TENM3: variants seen among roughly 807,000 people sequenced by gnomAD.
The protein encoded by TENM3 is teneurin transmembrane protein 3, also known as teneurin-3.
A neutral mutation model predicts 255.1 loss-of-function variants in TENM3; 63 were observed. That is an observed-to-expected ratio of 0.25 (90% CI 0.20 to 0.30). The LOEUF (loss-of-function observed/expected upper bound fraction) is 0.30. Among genes scored for constraint, TENM3 ranks in the 10% least tolerant of loss-of-function variants. TENM3 has a pLI of 1.00. For synonymous variants in TENM3, 1,306 were observed against 1,322.3 expected, an observed-to-expected ratio of 0.99 and a Z score of 0.27; for missense variants, 2,929 against 3,461.1, an observed-to-expected ratio of 0.85 and a Z score of 3.86.
chr4:182,025,020 A>ATTTTTTTTTTTTTTTTTT, the TENM3 span, among the ~76,000 whole-genome samples: 16 of 121,106 alleles, frequency 1.3e-4, 1 homozygote, highest in African/African-American at 5.0e-4. Flanking sequence ...ACAGGATTTC[A>ATTTTTTTTTTTTTTTTTT]TTTTTTTTTT....
chr4:181,996,672 G>C, the TENM3 span, among the ~76,000 whole-genome samples: 7 of 152,190 alleles, frequency 4.6e-5, no homozygotes, highest in Non-Finnish European at 8.8e-5. Context: ...TGATAAAAGA[G>C]TTAAGCTGAG....
Position 182,793,842 on chromosome 4 carries a change from C to T in TENM3, c.7170C>T (p.Asn2390=). 1 of 1,612,398 alleles carries T rather than the reference C, an allele frequency of 6.2e-7. No homozygotes were observed. The highest frequency in any genetic ancestry group is 8.5e-7 in the Non-Finnish European group (1 of 1,179,050). ...APFNLYMFRN[N]NPASKIHDVK... is the part of the protein sequence containing the mutation. Reference sequence around the variant, plus strand: ...TTAACTTGTACATGTTTAGGAATAACAACCCTGCAAGCAAAATCCATGACG... The same window carrying T: ...TTAACTTGTACATGTTTAGGAATAATAACCCTGCAAGCAAAATCCATGACG... Residue 2390 remains asparagine (N), a synonymous_variant, in exon 26 of 28, where the codon AAC becomes AAT. Transcript: ENST00000511685. This position sits in a 1 kb window ranked among gnomAD's most constrained non-coding sequence, Gnocchi z 5.7.
the TENM3 span, among the ~76,000 whole-genome samples, chr4:181,845,935 T>G: frequency 2.0e-5 from 3 of 152,206 alleles, no homozygotes; most frequent in Non-Finnish European, 4.4e-5. Context: ...ATCTTGCACC[T>G]TTCTTCATTT....
At chr4:182,005,946 T>G in the TENM3 span, among the ~76,000 whole-genome samples, 1 of 152,304 alleles carries the variant, frequency 6.6e-6, no homozygotes, top group East Asian at 1.9e-4. Flanking sequence ...CTGAAGTTGC[T>G]TATCAGTTCA....
At chr4:182,766,040 C>G (rs73869824) in intron 22 of TENM3, among the ~76,000 whole-genome samples, 1 of 152,112 alleles carries the variant, frequency 6.6e-6, no homozygotes, top group African/African-American at 2.4e-5. Flanking sequence ...AAATGTGCCA[C>G]CTACTTTTTA....
At chr4:182,364,637 T>C (rs572302917) in intron 3 of TENM3, among the ~76,000 whole-genome samples, 1 of 152,144 alleles carries the variant, frequency 6.6e-6, no homozygotes, top group Non-Finnish European at 1.5e-5. Context: ...GCCAGGATGG[T>C]CTCAACCTCC....
intron 1 of TENM3, among the ~76,000 whole-genome samples, chr4:182,266,572 A>T (rs1017092680): frequency 6.6e-6 from 1 of 152,180 alleles, no homozygotes; most frequent in African/African-American, 2.4e-5. Flanking sequence ...ATGGTTAAAC[A>T]TTACAAATGG....
chr4:182,559,480 CT>C (rs759903011), intron 3 of TENM3, among the ~76,000 whole-genome samples: 1 of 152,074 alleles, frequency 6.6e-6, no homozygotes, highest in African/African-American at 2.4e-5. Context: ...AGAATTCAAA[CT>C]TTTGTTCTCC....
At chr4:182,772,805 C>G (rs960783267) in intron 22 of TENM3, among the ~76,000 whole-genome samples, 1 of 151,924 alleles carries the variant, frequency 6.6e-6, no homozygotes, top group Non-Finnish European at 1.5e-5. Flanking sequence ...AATATTGCAT[C>G]TCATTTCAGT....
the TENM3 span, among the ~76,000 whole-genome samples, chr4:182,117,320 T>C: frequency 6.6e-6 from 1 of 152,238 alleles, no homozygotes; most frequent in Admixed American, 6.5e-5. Context: ...TTCTTGATCA[T>C]ATTTATTGAC....
In TENM3 at chr4:182,751,721, C is replaced by G. The variant is rs181968581; in HGVS notation, c.3630-79C>G. 2.7e-4 allele frequency: 264 copies of G among 960,418 alleles called. 1 individual carries two copies. In the African/African-American group the frequency reaches 3.5e-3, roughly 13 times the overall value. 59.5% of individuals were successfully genotyped at this position (960,418 alleles called of 1,614,324 possible). Reference sequence around the variant, plus strand: ...CAGACTATAATCAGTTTCTCATGATCTGTTTTATTTTGCTTTTAATTTCCC... The same window carrying G: ...CAGACTATAATCAGTTTCTCATGATGTGTTTTATTTTGCTTTTAATTTCCC... On this transcript the variant is annotated intron_variant, in intron 19 of 27. Coordinates refer to ENST00000511685, the MANE Select transcript of TENM3 (RefSeq NM_001080477.4).
the TENM3 span, among the ~76,000 whole-genome samples, chr4:181,864,289 A>G: frequency 6.6e-6 from 1 of 152,150 alleles, no homozygotes; most frequent in Non-Finnish European, 1.5e-5. Flanking sequence ...TAAGGGTCAT[A>G]TACTTTGCAT....
At chr4:182,693,333 TTTC>T (rs1757151223) in intron 12 of TENM3, among the ~76,000 whole-genome samples, 1 of 152,188 alleles carries the variant, frequency 6.6e-6, no homozygotes, top group African/African-American at 2.4e-5. Context: ...GTATCTTTTT[TTTC>T]TTCTTTTTTT....
chr4:181,888,586 A>ATGTGTG, the TENM3 span, among the ~76,000 whole-genome samples: 2 of 20,770 alleles, frequency 9.6e-5, no homozygotes, highest in Non-Finnish European at 1.6e-4. Context: ...ATACATATAT[A>ATGTGTG]TATGCGTGTG....
intron 2 of TENM3, among the ~76,000 whole-genome samples, chr4:182,343,454 A>G (rs1056746555): frequency 1.3e-5 from 2 of 152,218 alleles, no homozygotes; most frequent in African/African-American, 4.8e-5. Context: ...GGCTTTTCCA[A>G]TGTAAAGAAA....
intron 1 of TENM3, among the ~76,000 whole-genome samples, chr4:182,264,675 T>C (rs900347648): frequency 2.0e-5 from 3 of 152,214 alleles, no homozygotes; most frequent in Non-Finnish European, 4.4e-5. Flanking sequence ...TTGTCTTTTC[T>C]CTTCTCCGTG....
At chr4:182,483,692 T>A (rs1734421956) in intron 3 of TENM3, among the ~76,000 whole-genome samples, 1 of 152,196 alleles carries the variant, frequency 6.6e-6, no homozygotes, top group African/African-American at 2.4e-5. Context: ...CTGATACTGG[T>A]AGTTTTTCTT....
chr4:181,981,677 T>C, the TENM3 span, among the ~76,000 whole-genome samples: 2 of 151,910 alleles, frequency 1.3e-5, no homozygotes, highest in Non-Finnish European at 2.9e-5. Context: ...ATAAGCAAAA[T>C]AAGAATTTAT....
At chr4:182,134,365 C>A in the TENM3 span, among the ~76,000 whole-genome samples, 237 of 152,272 alleles carry the variant, frequency 1.6e-3, no homozygotes, top group African/African-American at 5.4e-3. Flanking sequence ...CACATGCACC[C>A]TCTCTTCCTT....
Sources: allele counts gnomAD v4.1 joint callset (sites outside exome capture counted in the v4.1 genomes callset), GRCh38; gene constraint gnomAD v4.1.1; non-coding constraint Gnocchi (gnomAD v3.1); transcripts MANE v1.5; gene names NCBI Gene and HGNC (gene_info 2026-07-23, HGNC 2026-07-21).